Variants in FHDC1 observed in about 807,000 individuals in gnomAD.
The protein encoded by FHDC1 is FH2 domain containing 1.
In FHDC1, 25 loss-of-function variants were observed where a neutral mutation model predicts 52.6. The ratio of observed to expected loss-of-function variants is 0.48; its 90% CI spans 0.35 to 0.66. FHDC1 has a LOEUF of 0.66. FHDC1 is among the 30% of genes least tolerant of loss of function. The probability of loss-of-function intolerance (pLI) is 0.01; values close to 1 mark genes in which losing one functional copy is unlikely to be tolerated. For missense variants in FHDC1, 1,459 were observed against 1,452.8 expected (o/e 1.00, Z -0.07); for synonymous variants, 616 against 581.5 (o/e 1.06, Z -0.85).
intron 11 of FHDC1, among the ~76,000 whole-genome samples, chr4:152,973,991 G>C (rs1479559851): frequency 2.0e-5 from 3 of 152,234 alleles, no homozygotes; most frequent in Non-Finnish European, 4.4e-5. Flanking sequence ...GAGAGGCAGA[G>C]CCATGTGCTG....
At position 152,954,221 on chromosome 4, in the gene FHDC1, C is replaced by T; in HGVS notation, c.565C>T (p.Pro189Ser). The stretch of plus-strand genomic sequence containing the variant: ...GTGATTCATTGTCTTTTCAAGGTCT[C>T]CTCGGTCCATTGTAGAAGATATTCA... The part of the protein sequence containing the change: ...GIFLKQFKKS[P>S]RSIVEDIHQG... Residue 189 changes from proline (P) to serine (S), a missense_variant, in exon 4 of 12, where the codon CCT (proline) becomes TCT (serine). Physicochemically the swap from Pro to Ser is moderately conservative, Grantham distance 74. This residue lies in a region of FHDC1 where 513 missense variants were observed against 581.5 expected (regional missense o/e 0.88). Coordinates refer to ENST00000511601, the MANE Select transcript of FHDC1 (RefSeq NM_001371116.1). The T allele has an allele frequency of 6.2e-7, 1 of 1,613,456 alleles. No individual in the cohort carries two copies. Among genetic ancestry groups the T allele is most frequent in the South Asian group, 1.1e-5 (1 of 91,040 alleles).
chr4:152,943,218 G>A lies in FHDC1; in HGVS notation c.161G>A (p.Cys54Tyr), dbSNP rs376866980. Residue 54 changes from cysteine (C) to tyrosine (Y), a missense_variant, in exon 2 of 12, where the codon TGT becomes TAT. By Grantham distance (194) the Cys-to-Tyr change is radical. This residue lies in a region of FHDC1 where 513 missense variants were observed against 581.5 expected (regional missense o/e 0.88). Transcript: ENST00000511601. ...CCATGTTCATGTTCAAGGGAAGAGT[G>A]TCCTTCCTCCCCTCCTCCACCCCCA... ...SPPCSCSREE[C>Y]PSSPPPPPPP... The A allele has an allele frequency of 8.0e-5, 129 of 1,609,726 alleles. No homozygotes were observed. The highest frequency in any genetic ancestry group is 1.0e-4 in the Non-Finnish European group (119 of 1,178,166).
At chr4:152,941,084 A>T (rs997222614) in intron 1 of FHDC1, among the ~76,000 whole-genome samples, 6 of 152,250 alleles carry the variant, frequency 3.9e-5, no homozygotes, top group African/African-American at 1.4e-4. Flanking sequence ...TTGCACACTT[A>T]AAAGTGGTGA....
intron 4 of FHDC1, among the ~76,000 whole-genome samples, chr4:152,955,177 A>G (rs1302182844): frequency 1.3e-5 from 2 of 152,224 alleles, no homozygotes; most frequent in Non-Finnish European, 2.9e-5. Context: ...TAAACTGTTA[A>G]TAAAATCTTG....
the FHDC1 span, among the ~76,000 whole-genome samples, chr4:152,922,152 C>A: frequency 1.3e-5 from 2 of 152,060 alleles, no homozygotes; most frequent in Non-Finnish European, 2.9e-5. Context: ...CAAATAGACA[C>A]AATAAAAAAT....
rs1740782663 is a variant in FHDC1, at chr4:152,974,704, G to A, written c.1413G>A (p.Leu471=). 2.0e-6 allele frequency: 3 copies of A among 1,512,030 alleles called. No individual in the cohort carries two copies. In the Admixed American group the frequency reaches 6.8e-5, roughly 34 times the overall value. 93.7% of individuals were successfully genotyped at this position (1,512,030 alleles called of 1,614,324 possible). The change falls in exon 12 of 12, where the codon CTG becomes CTA. Residue 471 remains leucine, a synonymous_variant. Transcript: ENST00000511601. ...KDNHDREAQE[L]RQLQRLKEQE... Reference sequence around the variant, plus strand: ...ACCACGACCGGGAGGCGCAGGAGCTGAGGCAGCTGCAGAGGCTGAAGGAGC... The same window carrying A: ...ACCACGACCGGGAGGCGCAGGAGCTAAGGCAGCTGCAGAGGCTGAAGGAGC...
chr4:152,929,350 T>C, the FHDC1 span, among the ~76,000 whole-genome samples: 3 of 152,220 alleles, frequency 2.0e-5, no homozygotes, highest in African/African-American at 7.2e-5. This position sits in a 1 kb window ranked among gnomAD's most constrained non-coding sequence, Gnocchi z 4.1. Flanking sequence ...AGATATGCAT[T>C]TGTCTCACAT....
At chr4:152,926,827 A>C in the FHDC1 span, among the ~76,000 whole-genome samples, 3 of 152,194 alleles carry the variant, frequency 2.0e-5, no homozygotes, top group Admixed American at 2.0e-4. Flanking sequence ...AACAACAAAA[A>C]TACAAACAAG....
intron 8 of FHDC1, among the ~76,000 whole-genome samples, chr4:152,963,813 T>G (rs777666916): frequency 2.4e-4 from 27 of 111,884 alleles, no homozygotes; most frequent in Non-Finnish European, 2.6e-4. Context: ...TGACTGGATC[T>G]CTATAACACC....
Position 152,954,242 on chromosome 4 carries a change from A to G in FHDC1, c.586A>G (p.Ile196Val). 1 of 1,614,140 alleles carries G rather than the reference A, an allele frequency of 6.2e-7. No individual in the cohort carries two copies. Among genetic ancestry groups the G allele is most frequent in the African/African-American group, 1.3e-5 (1 of 75,068 alleles). The change falls in exon 4 of 12, where the codon ATT becomes GTT. Residue 196 changes from isoleucine (I) to valine (V), a missense_variant. Ile to Val is a conservative substitution (Grantham distance 29). Around this residue, in one of 3 missense-constraint regions of FHDC1, gnomAD observed 513 missense variants for 581.5 expected, o/e 0.88. Coordinates refer to ENST00000511601, the MANE Select transcript of FHDC1 (RefSeq NM_001371116.1). Reference protein sequence around the residue: ...KKSPRSIVEDIHQGKSEHYGS... With the variant: ...KKSPRSIVEDVHQGKSEHYGS... Reference sequence around the variant, plus strand: ...GTCTCCTCGGTCCATTGTAGAAGATATTCATCAAGGAAAAAGTGAGCATTA... The same window carrying G: ...GTCTCCTCGGTCCATTGTAGAAGATGTTCATCAAGGAAAAAGTGAGCATTA...
intron 1 of FHDC1, among the ~76,000 whole-genome samples, chr4:152,938,593 A>G (rs1167312631): frequency 1.3e-5 from 2 of 152,152 alleles, no homozygotes; most frequent in South Asian, 2.1e-4. Flanking sequence ...CCCAAATACA[A>G]TAAAATAGGG....
chr4:152,978,773 G>C lies in FHDC1; in HGVS notation c.*2050G>C, dbSNP rs1312165134. ...TGGGGAATCCACGTGGTTGACGTTA[G>C]AACCTCCCTTCTGCAGACTGTTGCC... is the stretch of plus-strand genomic sequence containing the variant. On this transcript the variant is annotated 3_prime_UTR_variant, in exon 12 of 12. Coordinates refer to ENST00000511601, the MANE Select transcript of FHDC1 (RefSeq NM_001371116.1). 1 of 152,164 alleles carries C rather than the reference G, an allele frequency of 6.6e-6. No homozygotes were observed. Among genetic ancestry groups the C allele is most frequent in the Non-Finnish European group, 1.5e-5 (1 of 68,042 alleles). 9.4% of individuals were successfully genotyped at this position (152,164 alleles called of 1,614,324 possible).
At chr4:152,950,960 G>A (rs1739907620) in intron 2 of FHDC1, among the ~76,000 whole-genome samples, 1 of 152,210 alleles carries the variant, frequency 6.6e-6, no homozygotes, top group Non-Finnish European at 1.5e-5. Flanking sequence ...GTCCAGTAGA[G>A]ATCATAAGAG....
intron 1 of FHDC1, among the ~76,000 whole-genome samples, chr4:152,941,494 A>G (rs1051456023): frequency 3.3e-5 from 5 of 152,234 alleles, no homozygotes; most frequent in Non-Finnish European, 5.9e-5. Flanking sequence ...CTTTATTTTT[A>G]TACAAACCAA....
At chr4:152,914,168 A>G in the FHDC1 span, among the ~76,000 whole-genome samples, 2 of 152,220 alleles carry the variant, frequency 1.3e-5, no homozygotes, top group African/African-American at 2.4e-5. Flanking sequence ...CTATTTTTAC[A>G]GTATAGCAGG....
At chr4:152,952,086 C>A (rs1231110563) in intron 2 of FHDC1, among the ~76,000 whole-genome samples, 2 of 152,130 alleles carry the variant, frequency 1.3e-5, no homozygotes, top group African/African-American at 2.4e-5. Context: ...ATGTATACAG[C>A]ACAAGATTTT....
chr4:152,974,399 CTG>C (rs1015507938), intron 11 of FHDC1, among the ~76,000 whole-genome samples: 16 of 148,488 alleles, frequency 1.1e-4, no homozygotes, highest in African/African-American at 3.7e-4. Flanking sequence ...CGGATAAAAA[CTG>C]TAGACAGATT....
the FHDC1 span, chr4:152,928,225 A>G: frequency 1.4e-6 from 1 of 737,368 alleles, no homozygotes; most frequent in Non-Finnish European, 2.5e-6. Flanking sequence ...CTGTCCTTAC[A>G]CAGGGAGCTC....
chr4:152,967,243 T>C (rs1740491943), intron 9 of FHDC1, among the ~76,000 whole-genome samples: 1 of 152,198 alleles, frequency 6.6e-6, no homozygotes, highest in African/African-American at 2.4e-5. Context: ...CTGGCCAACA[T>C]GGCGAAACCC....
Sources: allele counts gnomAD v4.1 joint callset (sites outside exome capture counted in the v4.1 genomes callset), GRCh38; gene constraint gnomAD v4.1.1; regional missense constraint gnomAD v4.1.1; non-coding constraint Gnocchi (gnomAD v3.1); transcripts MANE v1.5; gene names NCBI Gene and HGNC (gene_info 2026-07-23, HGNC 2026-07-21).